Variants in CDKAL1 observed in about 807,000 individuals in gnomAD.
CDKAL1 encodes the protein CDKAL1 threonylcarbamoyladenosine tRNA methylthiotransferase, also known as threonylcarbamoyladenosine tRNA methylthiotransferase.
Under a neutral mutation model 68.2 loss-of-function variants are expected in CDKAL1, and 32 were observed. The ratio of observed to expected loss-of-function variants is 0.47; its 90% CI spans 0.35 to 0.63. The LOEUF (loss-of-function observed/expected upper bound fraction) is 0.63. Ranked by LOEUF, CDKAL1 falls within the 30% of genes least tolerant of loss-of-function variation. The pLI is 0.00. For synonymous variants in CDKAL1, 234 were observed against 244.3 expected (o/e 0.96, Z 0.39); for missense variants, 606 against 696.7 (o/e 0.87, Z 1.47).
chr6:21,177,258 A>AT (rs1253358544), intron 13 of CDKAL1, among the ~76,000 whole-genome samples: 5 of 151,952 alleles, frequency 3.3e-5, no homozygotes, highest in Non-Finnish European at 5.9e-5. Context: ...CACTTGAGAG[A>AT]TTTTTTTCCT....
intron 9 of CDKAL1, among the ~76,000 whole-genome samples, chr6:20,882,387 G>C (rs1760867824): frequency 1.3e-5 from 2 of 152,094 alleles, no homozygotes; most frequent in African/African-American, 2.4e-5. Context: ...CAGGTTAACT[G>C]TTTCCTTCCA....
At chr6:21,157,469 A>G (rs1242651061) in intron 13 of CDKAL1, among the ~76,000 whole-genome samples, 1 of 151,868 alleles carries the variant, frequency 6.6e-6, no homozygotes, top group African/African-American at 2.4e-5. Context: ...GTCTTTTCTC[A>G]TTGTTCTTTC....
chr6:20,923,353 G>A lies in CDKAL1; in HGVS notation c.743-32066G>A, dbSNP rs539128117. The stretch of plus-strand genomic sequence containing the variant: ...TGCTTCAAGCAATTCTCTCAGCACC[G>A]TTTTTTCCAACAGCTTGTGCTAACT... On this transcript the variant is annotated intron_variant, in intron 9 of 15. Coordinates refer to ENST00000274695, the MANE Select transcript of CDKAL1 (RefSeq NM_017774.3). Among the ~76,000 whole-genome samples the A allele has an allele frequency of 5.3e-5, 8 of 152,208 alleles. No individual in the cohort carries two copies. The South Asian group carries it at 1.7e-3, about 32-fold the overall frequency.
At chr6:20,811,885 A>G (rs932044341) in intron 8 of CDKAL1, among the ~76,000 whole-genome samples, 8 of 151,826 alleles carry the variant, frequency 5.3e-5, no homozygotes, top group Non-Finnish European at 1.2e-4. Flanking sequence ...CTTGCAAGTC[A>G]CAAAAATGTC....
intron 5 of CDKAL1, among the ~76,000 whole-genome samples, chr6:20,714,562 T>G (rs947401189): frequency 6.6e-6 from 1 of 151,730 alleles, no homozygotes; most frequent in Non-Finnish European, 1.5e-5. Context: ...GCTAAATTTT[T>G]TATTATTTGT....
At chr6:21,202,086 T>C (rs1030639110) in intron 15 of CDKAL1, among the ~76,000 whole-genome samples, 4 of 152,154 alleles carry the variant, frequency 2.6e-5, no homozygotes, top group Admixed American at 1.3e-4. Flanking sequence ...TGCAAGGACA[T>C]GTTCGTTAAA....
intron 12 of CDKAL1, among the ~76,000 whole-genome samples, chr6:21,081,721 G>A (rs13219886): frequency 0.27 from 41,311 of 151,046 alleles, 5,909 homozygotes; most frequent in Middle Eastern, 0.35. Context: ...ACAGGTGCCC[G>A]CCACCACACC....
At chr6:20,946,910 C>T (rs908252273) in intron 9 of CDKAL1, among the ~76,000 whole-genome samples, 1 of 152,122 alleles carries the variant, frequency 6.6e-6, no homozygotes. Context: ...TCATCCATAC[C>T]TTTTATCTTG....
chr6:20,701,647 C>G (rs1183386709), intron 5 of CDKAL1, among the ~76,000 whole-genome samples: 3 of 152,052 alleles, frequency 2.0e-5, no homozygotes, highest in Non-Finnish European at 4.4e-5. Flanking sequence ...AGGTTTTTCC[C>G]TTTTTTTCTA....
intron 8 of CDKAL1, among the ~76,000 whole-genome samples, chr6:20,843,758 C>T (rs1012802277): frequency 2.0e-5 from 3 of 152,060 alleles, no homozygotes; most frequent in Non-Finnish European, 4.4e-5. Flanking sequence ...GAATGGTCAA[C>T]CAATAGCTTC....
At chr6:20,997,558 C>T (rs1767187185) in intron 10 of CDKAL1, among the ~76,000 whole-genome samples, 2 of 152,018 alleles carry the variant, frequency 1.3e-5, no homozygotes, top group Non-Finnish European at 2.9e-5. Flanking sequence ...AGGGGGAAAC[C>T]ACTACATTTA....
At chr6:20,989,298 TC>T (rs1319443287) in intron 10 of CDKAL1, among the ~76,000 whole-genome samples, 3 of 152,082 alleles carry the variant, frequency 2.0e-5, no homozygotes, top group Admixed American at 2.0e-4. Flanking sequence ...CTACTTTGCA[TC>T]CCCAATCCCA....
At chr6:21,165,805 G>A (rs746915163) in intron 13 of CDKAL1, among the ~76,000 whole-genome samples, 12 of 152,212 alleles carry the variant, frequency 7.9e-5, no homozygotes, top group Admixed American at 2.6e-4. Context: ...TCCTATGAGC[G>A]TGCTGACTTA....
At chr6:20,645,686 G>A (rs75365000) in intron 4 of CDKAL1, among the ~76,000 whole-genome samples, 34,822 of 151,324 alleles carry the variant, frequency 0.23, 4,379 homozygotes, top group African/African-American at 0.29. Flanking sequence ...AGCCGAGATT[G>A]CGCCACTGTA....
chr6:20,546,889 A>G (rs770496459), intron 3 of CDKAL1, among the ~76,000 whole-genome samples: 6 of 152,136 alleles, frequency 3.9e-5, no homozygotes, highest in Non-Finnish European at 8.8e-5. Flanking sequence ...GGAGAAGCTG[A>G]CGCTACTGGT....
intron 11 of CDKAL1, among the ~76,000 whole-genome samples, chr6:21,007,776 A>T: frequency 6.6e-6 from 1 of 152,180 alleles, no homozygotes; most frequent in East Asian, 1.9e-4. Flanking sequence ...TTTAATCCTC[A>T]AGGCCCAAAG....
At chr6:21,106,632 C>T (rs1773856324) in intron 12 of CDKAL1, among the ~76,000 whole-genome samples, 1 of 152,098 alleles carries the variant, frequency 6.6e-6, no homozygotes, top group Non-Finnish European at 1.5e-5. Flanking sequence ...TACAGTGTAA[C>T]AACTATTTAC....
At chr6:21,084,550 G>A (rs1231904256) in intron 12 of CDKAL1, among the ~76,000 whole-genome samples, 1 of 152,102 alleles carries the variant, frequency 6.6e-6, no homozygotes, top group Admixed American at 6.6e-5. Context: ...AAATCTGCCT[G>A]GGTATGACTT....
intron 12 of CDKAL1, among the ~76,000 whole-genome samples, chr6:21,088,871 G>A (rs890431239): frequency 6.6e-6 from 1 of 152,186 alleles, no homozygotes; most frequent in Non-Finnish European, 1.5e-5. Flanking sequence ...GAAACTGGGA[G>A]GCAGAGGTTG....
Sources: gnomAD v4.1 joint callset for allele counts (sites outside exome capture counted in the v4.1 genomes callset) on GRCh38, gnomAD v4.1.1 for gene constraint, MANE v1.5 for transcripts, NCBI Gene and HGNC (gene_info 2026-07-23, HGNC 2026-07-21) for gene names.